The following PCTP variants were observed in gnomAD, a reference collection of about 807,000 sequenced individuals.
The protein encoded by PCTP is phosphatidylcholine transfer protein.
Under a neutral mutation model 31.0 loss-of-function variants are expected in PCTP, and 27 were observed. The observed-to-expected ratio is 0.87, with a 90% confidence interval of 0.64 to 1.20. PCTP has a LOEUF of 1.20. Among genes scored for constraint, PCTP ranks in the 50% most tolerant of loss-of-function variants. The pLI is 0.00. For synonymous variants in PCTP, 108 were observed against 101.2 expected, an observed-to-expected ratio of 1.07 and a Z score of -0.40; for missense variants, 287 against 268.2, an observed-to-expected ratio of 1.07 and a Z score of -0.49.
At chr17:55,845,887 G>GGGGGGTGTGTGT (rs1555572496), downstream of PCTP, among the ~76,000 whole-genome samples, 1 of 142,962 alleles carries the variant, frequency 7.0e-6, no homozygotes, top group Non-Finnish European at 1.5e-5. Flanking sequence ...AGAGGGTTGG[G>GGGGGGTGTGTGT]GTGTGTGTGT....
downstream of PCTP, among the ~76,000 whole-genome samples, chr17:55,827,133 A>G (rs1598019799): frequency 6.6e-6 from 1 of 151,998 alleles, no homozygotes; most frequent in South Asian, 2.1e-4. Context: ...AGGGAGGCAA[A>G]GTCTATTTCC....
intron 3 of PCTP, among the ~76,000 whole-genome samples, chr17:55,789,768 G>A (rs904886856): frequency 1.3e-5 from 2 of 152,100 alleles, no homozygotes; most frequent in African/African-American, 4.8e-5. Flanking sequence ...GTTCCAATCA[G>A]TAGAAAAAGA....
At chr17:55,843,118 A>G (rs1906036755), downstream of PCTP, among the ~76,000 whole-genome samples, 1 of 152,206 alleles carries the variant, frequency 6.6e-6, no homozygotes, top group Non-Finnish European at 1.5e-5. Context: ...GAAATTGTCA[A>G]CAGTCTAAAA....
chr17:55,821,178 A>G (rs998791871), intron 3 of PCTP, among the ~76,000 whole-genome samples: 1 of 152,214 alleles, frequency 6.6e-6, no homozygotes, highest in African/African-American at 2.4e-5. Flanking sequence ...ATAAAACATA[A>G]TATATCTGTA....
intron 3 of PCTP, among the ~76,000 whole-genome samples, chr17:55,795,382 G>A (rs1036829138): frequency 4.6e-5 from 7 of 152,010 alleles, no homozygotes; most frequent in Non-Finnish European, 1.0e-4. Flanking sequence ...AGCATGTGGG[G>A]CTCTATTCAT....
At chr17:55,762,186 C>G (rs1910374066) in intron 1 of PCTP, among the ~76,000 whole-genome samples, 1 of 152,262 alleles carries the variant, frequency 6.6e-6, no homozygotes, top group Non-Finnish European at 1.5e-5. Context: ...GGACTGTATG[C>G]TGGCTCAGGT....
intron 3 of PCTP, among the ~76,000 whole-genome samples, chr17:55,793,086 C>G (rs1410918852): frequency 6.6e-6 from 1 of 152,130 alleles, no homozygotes; most frequent in Admixed American, 6.6e-5. Context: ...TGTGTCCCAA[C>G]TCTCTGAAAA....
chr17:55,775,443 A>G, intron 5 of PCTP: 3 of 1,231,664 alleles, frequency 2.4e-6, no homozygotes, highest in Non-Finnish European at 3.0e-6. Context: ...GTGAAAAAGC[A>G]CATCAACTTT....
chr17:55,785,783 C>G (rs1911726714), intron 2 of PCTP, among the ~76,000 whole-genome samples: 1 of 152,156 alleles, frequency 6.6e-6, no homozygotes, highest in Admixed American at 6.5e-5. Context: ...TGCATTTGCC[C>G]TGATGATGCT....
intron 1 of PCTP, among the ~76,000 whole-genome samples, chr17:55,764,542 G>C (rs771507882): frequency 6.6e-6 from 1 of 152,076 alleles, no homozygotes. Context: ...GGAAATTCTT[G>C]GTATAAAATC....
intron 3 of PCTP, among the ~76,000 whole-genome samples, chr17:55,794,182 T>C (rs773896907): frequency 6.6e-6 from 1 of 152,100 alleles, no homozygotes; most frequent in Non-Finnish European, 1.5e-5. Flanking sequence ...AAGTGAAAGC[T>C]CATTCCCCTC....
At chr17:55,763,775 C>T (rs1476293173) in intron 1 of PCTP, among the ~76,000 whole-genome samples, 3 of 152,062 alleles carry the variant, frequency 2.0e-5, no homozygotes, top group Non-Finnish European at 4.4e-5. Flanking sequence ...TTATAAAAAA[C>T]TATTTTTTAA....
rs963394319 is a variant in PCTP at position 55,751,295 on chromosome 17, G to C, written c.141+51G>C. 25 of 1,517,892 alleles carry C rather than the reference G, an allele frequency of 1.6e-5. No individual in the cohort carries two copies. The African/African-American group carries it at 3.2e-4, about 19-fold the overall frequency. The allele number at this position is 1,517,892 out of a possible 1,614,324, so 94.0% of individuals were successfully genotyped here. A position where few individuals can be genotyped will look rare whatever the true frequency, so the allele number is the denominator to read the frequency against. ...GCGGGGCCTAGAATGCGCCGGGGTC[G>C]ACCTCCCCGCAGGGAGTGCGGGGCG... On this transcript the variant is annotated intron_variant, in intron 1 of 5. Transcript: ENST00000268896.
chr17:55,834,787 G>A (rs1179043913), intron 5 of PCTP, among the ~76,000 whole-genome samples: 2 of 152,234 alleles, frequency 1.3e-5, no homozygotes, highest in Non-Finnish European at 2.9e-5. Flanking sequence ...GGGGGGCAGA[G>A]GGATGCAAAA....
intron 3 of PCTP, among the ~76,000 whole-genome samples, chr17:55,819,954 CA>C: frequency 6.6e-6 from 1 of 152,224 alleles, no homozygotes; most frequent in African/African-American, 2.4e-5. Context: ...GGTACTGAGA[CA>C]ACCGGATATC....
chr17:55,783,469 A>G (rs8073334), intron 2 of PCTP, among the ~76,000 whole-genome samples: 6,098 of 152,240 alleles, frequency 0.04, 404 homozygotes, highest in African/African-American at 0.13. Flanking sequence ...ATCTTATCCA[A>G]TTCCTCTCTA....
At chr17:55,848,570 T>A in the PCTP span, among the ~76,000 whole-genome samples, 1 of 152,218 alleles carries the variant, frequency 6.6e-6, no homozygotes, top group East Asian at 1.9e-4. Context: ...TTCTAATACT[T>A]ACCCCCTCCA....
At chr17:55,783,838 G>A (rs1370239940) in intron 2 of PCTP, among the ~76,000 whole-genome samples, 2 of 152,158 alleles carry the variant, frequency 1.3e-5, no homozygotes, top group Non-Finnish European at 2.9e-5. Flanking sequence ...TACAAGCTAG[G>A]AAATGTGACT....
intron 5 of PCTP, chr17:55,842,642 G>C (rs1906020675): frequency 6.6e-6 from 1 of 152,208 alleles, no homozygotes; most frequent in Non-Finnish European, 1.5e-5. Context: ...ATAATTCCTA[G>C]TCTGCACAAG....
Sources: gnomAD v4.1 joint callset for allele counts (sites outside exome capture counted in the v4.1 genomes callset) on GRCh38, gnomAD v4.1.1 for gene constraint, MANE v1.5 for transcripts, NCBI Gene and HGNC (gene_info 2026-07-23, HGNC 2026-07-21) for gene names.